ITGAX: variants seen among roughly 807,000 people sequenced by gnomAD.
ITGAX encodes integrin alpha-X.
In ITGAX, 99 loss-of-function variants were observed where a neutral mutation model predicts 140.2. The observed-to-expected ratio is 0.71, with a 90% CI of 0.60 to 0.83. The LOEUF (loss-of-function observed/expected upper bound fraction) is 0.83, where lower values mean the gene tolerates loss of function less well. ITGAX is among the 40% of genes least tolerant of loss of function. The pLI, the probability that ITGAX is intolerant of heterozygous loss-of-function variation, is 0.00. For synonymous variants in ITGAX, 631 were observed against 600.4 expected (o/e 1.05, Z -0.75); for missense variants, 1,444 against 1,482.0 (o/e 0.97, Z 0.42).
At chr16:31,366,090 G>T (rs1597071610) in intron 14 of ITGAX, among the ~76,000 whole-genome samples, 2 of 152,326 alleles carry the variant, frequency 1.3e-5, no homozygotes, top group Admixed American at 1.3e-4. Context: ...CTTGTTTTAT[G>T]CGCTTTGCAG....
At chr16:31,376,660 G>A (rs1344977373) in intron 20 of ITGAX, 139 bp from the exon 21 acceptor site, 1 of 713,088 alleles carries the variant, frequency 1.4e-6, no homozygotes, top group African/African-American at 1.8e-5. Flanking sequence ...ATAAGCTTAA[G>A]GTGGGCTCCA....
chr16:31,376,647 A>G, intron 20 of ITGAX, 152 bp from the exon 21 acceptor site: 2 of 673,552 alleles, frequency 3.0e-6, no homozygotes, highest in East Asian at 5.5e-5. Flanking sequence ...AACAAACAAA[A>G]ACATAAGCTT....
intron 3 of ITGAX, 40 bp from the exon 4 acceptor site, chr16:31,356,991 G>C (rs752335145): frequency 2.6e-6 from 4 of 1,544,494 alleles, no homozygotes; most frequent in South Asian, 1.2e-5. Context: ...AGCCTTCTCT[G>C]TACCCCCGAG....
At chr16:31,381,038 C>G in intron 29 of ITGAX, 31 bp downstream of exon 29, 1 of 1,538,550 alleles carries the variant, frequency 6.5e-7, no homozygotes, top group African/African-American at 1.4e-5. Context: ...TTGACACCAC[C>G]AGCATCTGGT....
chr16:31,362,726 G>C lies in ITGAX; in HGVS notation c.1332G>C (p.Arg444Ser), dbSNP rs2080845711. 1 of 1,613,844 alleles carries C rather than the reference G, an allele frequency of 6.2e-7. No individual in the cohort carries two copies. The highest frequency in any genetic ancestry group is 1.3e-5 in the African/African-American group (1 of 74,894). ...TCACCCAGGTGTCCAGGCAATGGAG[G>C]ATGAAGGCCGAAGTCACGGGGACTC... ...VIFTQVSRQW[R>S]MKAEVTGTQI... Residue 444 changes from arginine (R) to serine (S), a missense_variant, in exon 12 of 30, where the codon AGG (arginine) becomes AGC (serine). Coordinates refer to ENST00000268296, the MANE Select transcript of ITGAX (RefSeq NM_000887.5).
intron 1 of ITGAX, among the ~76,000 whole-genome samples, chr16:31,355,493 T>A (rs941361931): frequency 6.6e-6 from 1 of 152,144 alleles, no homozygotes; most frequent in Admixed American, 6.5e-5. Flanking sequence ...TTGGGAGAGT[T>A]CCAGAGATGC....
Position 31,381,986 on chromosome 16 carries a change from A to G in ITGAX, c.*79A>G. The G allele has an allele frequency of 6.7e-7, 1 of 1,502,768 alleles. No individual in the cohort carries two copies. Among genetic ancestry groups the G allele is most frequent in the Non-Finnish European group, 9.0e-7 (1 of 1,109,632 alleles). 93.1% of individuals were successfully genotyped at this position (1,502,768 alleles called of 1,614,324 possible). A position where few individuals can be genotyped will look rare whatever the true frequency, so the allele number is the denominator to read the frequency against. On this transcript the variant is annotated 3_prime_UTR_variant, in exon 30 of 30. Coordinates refer to ENST00000268296, the MANE Select transcript of ITGAX (RefSeq NM_000887.5). ...CCCTCACCTGTCAGGCCTGACGGGGAGGAACCACTGCACCACCGAGAGAGG... is the reference window on the plus strand; with the variant it reads ...CCCTCACCTGTCAGGCCTGACGGGGGGGAACCACTGCACCACCGAGAGAGG...
intron 19 of ITGAX, 115 bp from the exon 20 acceptor site, chr16:31,373,134 C>T (rs985346815): frequency 1.5e-6 from 1 of 689,222 alleles, no homozygotes; most frequent in African/African-American, 1.9e-5. Context: ...AGAAGAAGAA[C>T]CCAGGGGTCC....
At chr16:31,371,866 G>T (rs2080966657) in intron 17 of ITGAX, 82 bp downstream of exon 17, 8 of 1,515,160 alleles carry the variant, frequency 5.3e-6, no homozygotes, top group Non-Finnish European at 6.2e-6. Context: ...CTGTGTTCCG[G>T]CCTCCCTGTG....
intron 19 of ITGAX, 37 bp downstream of exon 19, chr16:31,372,707 A>G: frequency 6.3e-7 from 1 of 1,587,304 alleles, no homozygotes; most frequent in East Asian, 2.2e-5. Flanking sequence ...CTACTGCCCC[A>G]GCCTCCTTCC....
Position 31,379,755 on chromosome 16 carries a change from A to T in ITGAX, c.2869-2A>T, listed in dbSNP as rs1204629183. 2.5e-6 allele frequency: 4 copies of T among 1,613,322 alleles called. No homozygotes were observed. In the East Asian group the frequency reaches 8.9e-5, roughly 36 times the overall value. On this transcript the variant is annotated splice_acceptor_variant, in intron 24 of 29. Coordinates refer to ENST00000268296, the MANE Select transcript of ITGAX (RefSeq NM_000887.5). LOFTEE classifies it high-confidence loss of function. Reference sequence around the variant, plus strand: ...GCTCTGCCCTCAGTGCCCTCTGTGCAGGTCAATAACCTGGGACAGAGGGAC... The same window carrying T: ...GCTCTGCCCTCAGTGCCCTCTGTGCTGGTCAATAACCTGGGACAGAGGGAC...
rs1405736807 is a variant in ITGAX at position 31,372,523 on chromosome 16, C to T, written c.2292+14C>T. On this transcript the variant is annotated intron_variant, in intron 18 of 29. Coordinates refer to ENST00000268296, the MANE Select transcript of ITGAX (RefSeq NM_000887.5). ...TTCACGGCCTCCGTGAGTCCTGGCACTGGGTCTCCCAGAGAGGGTGCACAG... is the reference window on the plus strand; with the variant it reads ...TTCACGGCCTCCGTGAGTCCTGGCATTGGGTCTCCCAGAGAGGGTGCACAG... The T allele has an allele frequency of 6.2e-7, 1 of 1,611,410 alleles. No homozygotes were observed. Among genetic ancestry groups the T allele is most frequent in the South Asian group, 1.1e-5 (1 of 90,958 alleles).
intron 14 of ITGAX, among the ~76,000 whole-genome samples, chr16:31,364,095 T>C (rs978553057): frequency 6.6e-6 from 1 of 152,130 alleles, no homozygotes; most frequent in Non-Finnish European, 1.5e-5. Context: ...AAGGGCTGCT[T>C]TTCTTGGCAA....
intron 19 of ITGAX, 149 bp from the exon 20 acceptor site, chr16:31,373,100 A>T (rs886349479): frequency 4.3e-6 from 3 of 693,496 alleles, no homozygotes; most frequent in Non-Finnish European, 6.6e-6. Flanking sequence ...CTCTTAAAAA[A>T]AAAGAAGAAG....
chr16:31,377,329 A>T, intron 23 of ITGAX, 64 bp downstream of exon 23: 2 of 1,405,952 alleles, frequency 1.4e-6, no homozygotes, highest in South Asian at 2.5e-5. Context: ...GAAAAAAAAA[A>T]AAAGGCCTTG....
chr16:31,356,568 GGCAGCTGTGCTGCA>G, intron 2 of ITGAX, 43 bp from the exon 3 acceptor site: 1 of 1,232,202 alleles, frequency 8.1e-7, no homozygotes, highest in Non-Finnish European at 1.2e-6. Flanking sequence ...TTGCCGGAGT[GGCAGCTGTGCTGCA>G]GCGTCCACAC....
At chr16:31,364,265 A>T (rs910869150) in intron 14 of ITGAX, among the ~76,000 whole-genome samples, 3 of 151,778 alleles carry the variant, frequency 2.0e-5, no homozygotes, top group African/African-American at 4.8e-5. Context: ...TCTAGAAAAA[A>T]TTTTAAAAAT....
rs142089990 is a variant in ITGAX at position 31,363,009 on chromosome 16, C to A, written c.1434C>A (p.Ile478=). ...DSDGSTDLVL[I]GAPHYYEQTR... is the part of the protein sequence containing the mutation. Reference sequence around the variant, plus strand: ...ACGGCAGCACCGACCTGGTCCTCATCGGGGCCCCCCATTACTACGAGCAGA... The same window carrying A: ...ACGGCAGCACCGACCTGGTCCTCATAGGGGCCCCCCATTACTACGAGCAGA... The change falls in exon 13 of 30, where the codon ATC becomes ATA. Residue 478 remains isoleucine (I), a synonymous_variant. Transcript: ENST00000268296. The A allele has an allele frequency of 7.2e-7, 1 of 1,384,422 alleles. No individual in the cohort carries two copies. The highest frequency in any genetic ancestry group is 9.6e-7 in the Non-Finnish European group (1 of 1,037,342). The allele number at this position is 1,384,422 out of a possible 1,614,324, so 85.8% of individuals were successfully genotyped here. A position where few individuals can be genotyped will look rare whatever the true frequency, so the allele number is the denominator to read the frequency against.
intron 2 of ITGAX, chr16:31,356,218 T>C (rs1029099368): frequency 2.5e-5 from 13 of 510,728 alleles, no homozygotes; most frequent in African/African-American, 2.5e-4. Context: ...TGGATGCTGA[T>C]TTAGTCCACA....
Sources: allele counts gnomAD v4.1 joint callset (sites outside exome capture counted in the v4.1 genomes callset), GRCh38; gene constraint gnomAD v4.1.1; transcripts MANE v1.5; gene names NCBI Gene and HGNC (gene_info 2026-07-23, HGNC 2026-07-21).